RPH3AL: variants seen among roughly 807,000 people sequenced by gnomAD.
The protein encoded by RPH3AL is rab effector Noc2.
RPH3AL carries 38 observed loss-of-function variants against 43.1 expected under a neutral mutation model. That is an observed-to-expected ratio of 0.88 (90% CI 0.68 to 1.15). The LOEUF (loss-of-function observed/expected upper bound fraction) is 1.15, where lower values mean the gene tolerates loss of function less well. Ranked by LOEUF, RPH3AL falls within the 50% of genes most tolerant of loss-of-function variation. The pLI is 0.00. For synonymous variants in RPH3AL, 189 were observed against 176.3 expected (o/e 1.07, Z -0.57); for missense variants, 462 against 423.2 (o/e 1.09, Z -0.81).
intron 6 of RPH3AL, among the ~76,000 whole-genome samples, chr17:273,073 T>C (rs2042544024): frequency 7.1e-6 from 1 of 140,472 alleles, no homozygotes; most frequent in Non-Finnish European, 1.6e-5. Context: ...GAGGGCGACG[T>C]CAGGGAGAGA....
chr17:239,473 G>C (rs1597906566), intron 7 of RPH3AL, among the ~76,000 whole-genome samples: 2 of 152,090 alleles, frequency 1.3e-5, no homozygotes, highest in South Asian at 4.2e-4. Flanking sequence ...CTCTACTCTT[G>C]TCTATTCCAC....
intron 6 of RPH3AL, among the ~76,000 whole-genome samples, chr17:272,480 T>C (rs12453409): frequency 0.25 from 37,435 of 150,684 alleles, 4,793 homozygotes; most frequent in Middle Eastern, 0.31. Flanking sequence ...CTGGAAACCA[T>C]CATTCTCAGC....
intron 6 of RPH3AL, among the ~76,000 whole-genome samples, chr17:257,402 G>A (rs368257664): frequency 1.0e-4 from 1 of 9,972 alleles, no homozygotes; most frequent in Non-Finnish European, 4.6e-4. Flanking sequence ...GCTGCACGGC[G>A]TCTGTCCTTT....
rs1309021989 is a variant in RPH3AL at position 315,793 on chromosome 17, T to C, written c.351+3627A>G. 2.3e-3 allele frequency among the ~76,000 whole-genome samples: 302 copies of C among 130,676 alleles called. 3 individuals carry two copies. The highest frequency in any genetic ancestry group is 3.2e-3 in the Non-Finnish European group (183 of 57,430). 85.7% of individuals were successfully genotyped at this position (130,676 alleles called of 152,430 possible). On this transcript the variant is annotated intron_variant, in intron 5 of 9. Transcript: ENST00000331302. ...CCCCGTGACCCCATCTCTATTGACC[T>C]GTAGTCCCTGTGCCCCACCTCCATT...
chr17:300,692 G>A (rs1213078981), intron 5 of RPH3AL, among the ~76,000 whole-genome samples: 2 of 142,194 alleles, frequency 1.4e-5, no homozygotes, highest in Admixed American at 7.0e-5. Context: ...GCTCTAGCAG[G>A]GGCTGGCCCA....
chr17:223,651 A>C (rs557380341), intron 7 of RPH3AL, among the ~76,000 whole-genome samples: 1 of 152,026 alleles, frequency 6.6e-6, no homozygotes, highest in South Asian at 2.1e-4. Context: ...ACTGAAGCTT[A>C]GTGGGAGGAA....
In RPH3AL at chr17:263,210, TCA is replaced by T. The variant is rs567999065; in HGVS notation, c.439-15927_439-15926del. Among the ~76,000 whole-genome samples the T allele has an allele frequency of 6.9e-4, 105 of 152,244 alleles. 1 individual carries two copies. The East Asian group carries it at 0.018, about 26-fold the overall frequency. On this transcript the variant is annotated intron_variant, in intron 6 of 9. Coordinates refer to ENST00000331302, the MANE Select transcript of RPH3AL (RefSeq NM_006987.4). ...AAGAGGCGGCCTCCATATCCACAGC[TCA>T]CACACAGGGAGTCAAGGGTACCAAA...
Position 213,679 on chromosome 17 carries a change from G to C in RPH3AL, c.*173C>G. 1 of 643,274 alleles carries C rather than the reference G, an allele frequency of 1.6e-6. No homozygotes were observed. The allele number at this position is 643,274 out of a possible 1,614,324, so 39.8% of individuals were successfully genotyped here. A position where few individuals can be genotyped will look rare whatever the true frequency, so the allele number is the denominator to read the frequency against. ...GGCGGATGCAGACAGCTCCCCAGGA[G>C]AGAAGGGGTGCAGAAAGGCACTGAG... is the stretch of plus-strand genomic sequence containing the variant. On this transcript the variant is annotated 3_prime_UTR_variant, in exon 10 of 10. Transcript: ENST00000331302.
At chr17:230,403 C>CG (rs1567567129) in intron 7 of RPH3AL, among the ~76,000 whole-genome samples, 2 of 152,146 alleles carry the variant, frequency 1.3e-5, no homozygotes. Context: ...ACGCGAAGTG[C>CG]GGGGGACCAT....
In RPH3AL at chr17:276,454, C is replaced by T. The variant is rs117057332; in HGVS notation, c.438+5314G>A. ...TCACTAAGGCTGGAGTGCAGTGGCA[C>T]GATCTCAGCCCACTGCCACCTCCAC... On this transcript the variant is annotated intron_variant, in intron 6 of 9. Transcript: ENST00000331302. 2.2e-4 allele frequency among the ~76,000 whole-genome samples: 34 copies of T among 152,316 alleles called. 1 individual carries two copies. The East Asian group carries it at 5.6e-3, about 25-fold the overall frequency.
At chr17:231,842 A>C (rs1361290232) in intron 7 of RPH3AL, among the ~76,000 whole-genome samples, 1 of 152,254 alleles carries the variant, frequency 6.6e-6, no homozygotes, top group Non-Finnish European at 1.5e-5. Flanking sequence ...GGCGACAGCC[A>C]TGCTCCTGAC....
At position 215,423 on chromosome 17, in the gene RPH3AL, G is replaced by C. The variant is rs959347620; in HGVS notation, c.876+231C>G. Among the ~76,000 whole-genome samples, 11 of 152,242 alleles carry C rather than the reference G, an allele frequency of 7.2e-5. No homozygotes were observed. Among genetic ancestry groups the C allele is most frequent in the African/African-American group, 2.4e-4 (10 of 41,462 alleles). On this transcript the variant is annotated intron_variant, in intron 9 of 9. Coordinates refer to ENST00000331302, the MANE Select transcript of RPH3AL (RefSeq NM_006987.4). This position sits in a 1 kb window ranked among gnomAD's most constrained non-coding sequence, Gnocchi z 4.1. ...GTAGCAGAGGATGGTAACCACTGCT[G>C]TGATTACCGAGAGTGGCTAGGGATG... is the stretch of plus-strand genomic sequence containing the variant.
Position 264,159 on chromosome 17 carries a change from A to G in RPH3AL, c.439-16874T>C, listed in dbSNP as rs776846299. Among the ~76,000 whole-genome samples, 7 of 152,222 alleles carry G rather than the reference A, an allele frequency of 4.6e-5. No homozygotes were observed. Among genetic ancestry groups the G allele is most frequent in the Non-Finnish European group, 7.3e-5 (5 of 68,036 alleles). ...CAGCAAACGTGAGGTGTACTGAGGT[A>G]ACATACACACTTGTTTCTAGCATTG... On this transcript the variant is annotated intron_variant, in intron 6 of 9. Coordinates refer to ENST00000331302, the MANE Select transcript of RPH3AL (RefSeq NM_006987.4). This position sits in a 1 kb window ranked among gnomAD's most constrained non-coding sequence, Gnocchi z 4.8.
intron 8 of RPH3AL, among the ~76,000 whole-genome samples, chr17:217,434 C>G (rs9890343): frequency 0.15 from 2,410 of 16,158 alleles, 731 homozygotes; most frequent in African/African-American, 0.28. Flanking sequence ...TCTTCTGTGC[C>G]AAAATTGGCC....
chr17:271,296 T>C (rs2151588004), intron 6 of RPH3AL, among the ~76,000 whole-genome samples: 1 of 152,346 alleles, frequency 6.6e-6, no homozygotes, highest in African/African-American at 2.4e-5. Context: ...AAAGTAGTTT[T>C]TTCCAATTCT....
chr17:264,119 G>A lies in RPH3AL; in HGVS notation c.439-16834C>T, dbSNP rs1310531898. Among the ~76,000 whole-genome samples the A allele has an allele frequency of 2.0e-5, 3 of 152,186 alleles. No individual in the cohort carries two copies. Among genetic ancestry groups the A allele is most frequent in the African/African-American group, 4.8e-5 (2 of 41,444 alleles). ...TCTCCAAGAGCCTTGGACCCACACC[G>A]ATACTGAACAAGCTCAGCAAACGTG... is the stretch of plus-strand genomic sequence containing the variant. On this transcript the variant is annotated intron_variant, in intron 6 of 9. Transcript: ENST00000331302. The surrounding 1 kb of genome is among the most constrained non-coding windows in gnomAD (Gnocchi z 4.8).
chr17:282,495 A>G (rs1230986778), intron 5 of RPH3AL, among the ~76,000 whole-genome samples: 1 of 152,140 alleles, frequency 6.6e-6, no homozygotes, highest in Non-Finnish European at 1.5e-5. Context: ...CGCAGAAATA[A>G]CCAGAATCTA....
In RPH3AL at chr17:327,243, G is replaced by C. The variant is rs112984980; in HGVS notation, c.77+224C>G. Among the ~76,000 whole-genome samples, 277 of 152,334 alleles carry C rather than the reference G, an allele frequency of 1.8e-3. 1 individual carries two copies. Among genetic ancestry groups the C allele is most frequent in the African/African-American group, 6.1e-3 (254 of 41,570 alleles). ...CCCACAAGTTAAGTGATGTGGGCAA[G>C]GAGCTCAGCCTCACTTTGCTCATCA... On this transcript the variant is annotated intron_variant, in intron 3 of 9. Transcript: ENST00000331302.
At chr17:260,481 G>A (rs1372742453) in intron 6 of RPH3AL, among the ~76,000 whole-genome samples, 2 of 152,208 alleles carry the variant, frequency 1.3e-5, no homozygotes, top group Admixed American at 6.5e-5. Flanking sequence ...AGGGAAAGCA[G>A]AGGCACTGTC....
Sources: allele counts gnomAD v4.1 joint callset (sites outside exome capture counted in the v4.1 genomes callset), GRCh38; gene constraint gnomAD v4.1.1; non-coding constraint Gnocchi (gnomAD v3.1); transcripts MANE v1.5; gene names NCBI Gene and HGNC (gene_info 2026-07-23, HGNC 2026-07-21).